C4orf50: variants seen among roughly 807,000 people sequenced by gnomAD.
C4orf50 encodes uncharacterized protein C4orf50.
C4orf50 carries 80 observed loss-of-function variants against 77.2 expected under a neutral mutation model. The observed-to-expected ratio is 1.04, with a 90% confidence interval of 0.87 to 1.25. The LOEUF (loss-of-function observed/expected upper bound fraction) is 1.25, where lower values mean the gene tolerates loss of function less well. Ranked by LOEUF, C4orf50 falls within the 50% of genes most tolerant of loss-of-function variation. The pLI, the probability that C4orf50 is intolerant of heterozygous loss-of-function variation, is 0.00. For synonymous variants in C4orf50, 532 were observed against 465.3 expected (o/e 1.14, Z -1.84); for missense variants, 1,257 against 1,152.9 (o/e 1.09, Z -1.31).
chr4:5,964,059 T>A (rs1264457796), intron 33 of C4orf50, among the ~76,000 whole-genome samples: 1 of 152,180 alleles, frequency 6.6e-6, no homozygotes. Context: ...TCTGAAGCCA[T>A]CTGAGAGCTA....
intron 7 of C4orf50, chr4:5,904,614 G>A (rs775910180): frequency 3.9e-5 from 6 of 152,174 alleles, no homozygotes; most frequent in Admixed American, 6.5e-5. Context: ...GGCAGAGTCC[G>A]TCTCTGGATT....
chr4:5,905,958 C>G lies in C4orf50; in HGVS notation c.*2475-7770G>C, dbSNP rs901114871. 2.6e-5 allele frequency among the ~76,000 whole-genome samples: 4 copies of G among 152,046 alleles called. No individual in the cohort carries two copies. Among genetic ancestry groups the G allele is most frequent in the African/African-American group, 9.7e-5 (4 of 41,374 alleles). ...AGGGACGGATGCCCTGCTTGCCCTCCTCACGTTACAGAGGGTGACATAGGA... is the reference window on the plus strand; with the variant it reads ...AGGGACGGATGCCCTGCTTGCCCTCGTCACGTTACAGAGGGTGACATAGGA... On this transcript the variant is annotated intron_variant, in intron 7 of 7. Transcript: ENST00000324058. This position sits in a 1 kb window ranked among gnomAD's most constrained non-coding sequence, Gnocchi z 5.4.
chr4:5,928,379 T>C (rs2003373), intron 7 of C4orf50, among the ~76,000 whole-genome samples: 170 of 95,848 alleles, frequency 1.8e-3, no homozygotes, highest in Non-Finnish European at 3.6e-3. Context: ...CACACACACA[T>C]ACACACACAC....
chr4:5,995,244 T>C (rs1484450692), intron 25 of C4orf50, among the ~76,000 whole-genome samples: 1 of 151,944 alleles, frequency 6.6e-6, no homozygotes, highest in East Asian at 1.9e-4. Context: ...TGTGCAGAGG[T>C]TCTTTCCATG....
chr4:5,917,313 G>T (rs1428013471), intron 7 of C4orf50, among the ~76,000 whole-genome samples: 1 of 149,494 alleles, frequency 6.7e-6, no homozygotes, highest in Non-Finnish European at 1.5e-5. Flanking sequence ...ATACAGGAAA[G>T]TATAACTGAA....
intron 7 of C4orf50, among the ~76,000 whole-genome samples, chr4:5,923,828 G>A (rs1401351643): frequency 6.6e-6 from 1 of 152,204 alleles, no homozygotes; most frequent in Non-Finnish European, 1.5e-5. Flanking sequence ...TGCCAAAGGA[G>A]ATTAACATTT....
In C4orf50 at chr4:6,007,743, A is replaced by G. The variant is rs1278798384; in HGVS notation, c.963+253T>C. On this transcript the variant is annotated intron_variant, in intron 25 of 33. Transcript: ENST00000531445. The surrounding 1 kb of genome is among the most constrained non-coding windows in gnomAD (Gnocchi z 4.1). ...GATGGGCAAGTGTGTGCATCTGAGG[A>G]TGGACAGGTGAGTGGACACGGTTGG... Among the ~76,000 whole-genome samples, 1 of 142,452 alleles carries G rather than the reference A, an allele frequency of 7.0e-6. No homozygotes were observed. 93.5% of individuals were successfully genotyped at this position (142,452 alleles called of 152,430 possible).
intron 7 of C4orf50, among the ~76,000 whole-genome samples, chr4:5,937,914 T>A (rs1277803810): frequency 6.6e-6 from 1 of 152,192 alleles, no homozygotes; most frequent in African/African-American, 2.4e-5. Context: ...ATTAATAATA[T>A]AGCCTCAAAA....
At chr4:5,963,044 C>G (rs916010858) in intron 33 of C4orf50, among the ~76,000 whole-genome samples, 2 of 150,456 alleles carry the variant, frequency 1.3e-5, no homozygotes, top group African/African-American at 4.9e-5. Flanking sequence ...CTCTGTTGCC[C>G]TGGCTGGAGT....
chr4:5,927,060 G>A (rs1717548857), intron 7 of C4orf50, among the ~76,000 whole-genome samples: 1 of 152,186 alleles, frequency 6.6e-6, no homozygotes, highest in Admixed American at 6.5e-5. Context: ...CTGTGGAAGG[G>A]GAAGATAGGG....
rs533643830 is a variant in C4orf50 at position 6,015,704 on chromosome 4, C to T, written c.287+2441G>A. ...GTCGAGCTGTCAGTGGAGCCAAGCCCTCTCCGAGGCTGAAGGGGAAATCCA... is the reference window on the plus strand; with the variant it reads ...GTCGAGCTGTCAGTGGAGCCAAGCCTTCTCCGAGGCTGAAGGGGAAATCCA... On this transcript the variant is annotated intron_variant, in intron 23 of 33. Transcript: ENST00000531445. This position sits in a 1 kb window ranked among gnomAD's most constrained non-coding sequence, Gnocchi z 4.4. Among the ~76,000 whole-genome samples, 42 of 152,230 alleles carry T rather than the reference C, an allele frequency of 2.8e-4. No individual in the cohort carries two copies. Among genetic ancestry groups the T allele is most frequent in the Middle Eastern group, 3.4e-3 (1 of 294 alleles).
chr4:5,898,812 C>A (rs1716232564), intron 7 of C4orf50: 1 of 152,304 alleles, frequency 6.6e-6, no homozygotes, highest in East Asian at 1.9e-4. Context: ...CATGCTTGGA[C>A]ACAGCCTGCT....
intron 7 of C4orf50, among the ~76,000 whole-genome samples, chr4:5,926,665 G>A (rs1234784435): frequency 6.6e-6 from 1 of 151,722 alleles, no homozygotes; most frequent in Non-Finnish European, 1.5e-5. Flanking sequence ...CAGTACCTGT[G>A]TCCCCGGGCC....
At chr4:5,993,045 G>A (rs1721382734) in intron 26 of C4orf50, 115 bp from the exon 5 acceptor site, 2 of 360,454 alleles carry the variant, frequency 5.5e-6, no homozygotes, top group South Asian at 1.7e-4. Flanking sequence ...CCCCACCCCC[G>A]ACTGTGAGCC....
intron 25 of C4orf50, among the ~76,000 whole-genome samples, chr4:6,004,056 GGTGA>G (rs1722033442): frequency 8.6e-6 from 1 of 116,476 alleles, no homozygotes; most frequent in Non-Finnish European, 1.8e-5. Flanking sequence ...TGGTGATGAT[GGTGA>G]TGATGGTGAT....
intron 31 of C4orf50, among the ~76,000 whole-genome samples, chr4:5,969,767 T>C (rs538118179): frequency 1.3e-5 from 2 of 152,198 alleles, no homozygotes; most frequent in East Asian, 1.9e-4. Flanking sequence ...GAAGGGCAAG[T>C]GCCAAGTTCA....
At chr4:5,912,785 C>A (rs1400534358) in intron 7 of C4orf50, among the ~76,000 whole-genome samples, 15 of 152,162 alleles carry the variant, frequency 9.9e-5, no homozygotes, top group Admixed American at 9.2e-4. Flanking sequence ...GGGAGGCAAG[C>A]CTGAGCATGC....
intron 7 of C4orf50, among the ~76,000 whole-genome samples, chr4:5,947,226 A>G (rs1365016687): frequency 6.6e-6 from 1 of 152,086 alleles, no homozygotes; most frequent in Non-Finnish European, 1.5e-5. Context: ...TGTGACCTCC[A>G]AGAATGAAGC....
chr4:5,965,809 G>A (rs13104291), intron 32 of C4orf50, among the ~76,000 whole-genome samples: 54,225 of 152,092 alleles, frequency 0.36, 9,894 homozygotes, highest in Admixed American at 0.44. Flanking sequence ...CACTCCAGAG[G>A]AAGGTCATAT....
Sources: gnomAD v4.1 joint callset for allele counts (sites outside exome capture counted in the v4.1 genomes callset) on GRCh38, gnomAD v4.1.1 for gene constraint, Gnocchi (gnomAD v3.1) non-coding constraint, MANE v1.5 for transcripts, NCBI Gene and HGNC (gene_info 2026-07-23, HGNC 2026-07-21) for gene names.